SLIT3: variants seen among roughly 807,000 people sequenced by gnomAD.
SLIT3 encodes slit homolog 3 protein.
A neutral mutation model predicts 184.0 loss-of-function variants in SLIT3; 68 were observed. The observed-to-expected ratio is 0.37, with a 90% CI of 0.30 to 0.45. The LOEUF (loss-of-function observed/expected upper bound fraction) is 0.45. SLIT3 is among the 20% of genes least tolerant of loss of function. The pLI is 1.00. For synonymous variants in SLIT3, 831 were observed against 828.6 expected, an observed-to-expected ratio of 1.00 and a Z score of -0.05; for missense variants, 1,707 against 2,026.0, an observed-to-expected ratio of 0.84 and a Z score of 3.02.
At chr5:168,746,679 T>G (rs1581031988) in intron 20 of SLIT3, among the ~76,000 whole-genome samples, 2 of 63,406 alleles carry the variant, frequency 3.2e-5, no homozygotes, top group African/African-American at 1.1e-4. Flanking sequence ...GGTGGTATGG[T>G]GGTGTGTGGT....
chr5:168,802,333 G>A (rs1333521715), intron 9 of SLIT3, among the ~76,000 whole-genome samples: 1 of 152,194 alleles, frequency 6.6e-6, no homozygotes, highest in East Asian at 1.9e-4. Context: ...GTACATGGAA[G>A]AAGCAGGATC....
chr5:169,116,948 A>G (rs1760689676), intron 4 of SLIT3, among the ~76,000 whole-genome samples: 1 of 152,212 alleles, frequency 6.6e-6, no homozygotes, highest in East Asian at 1.9e-4. Context: ...TTTCAGATTT[A>G]CATAACCCTT....
intron 9 of SLIT3, among the ~76,000 whole-genome samples, chr5:168,798,220 CTTCTTTTTT>C (rs1756641145): frequency 8.9e-6 from 1 of 112,246 alleles, no homozygotes; most frequent in Non-Finnish European, 1.7e-5. Context: ...TCTTCTTCTT[CTTCTTTTTT>C]TTTTTTTTTT....
At chr5:168,981,045 T>A (rs567742346) in intron 4 of SLIT3, among the ~76,000 whole-genome samples, 10 of 152,326 alleles carry the variant, frequency 6.6e-5, no homozygotes, top group Admixed American at 5.2e-4. Context: ...TTTTGCTAAT[T>A]TATATTTTTC....
chr5:169,138,936 T>A (rs955082575), intron 4 of SLIT3, among the ~76,000 whole-genome samples: 3 of 152,260 alleles, frequency 2.0e-5, no homozygotes, highest in African/African-American at 7.2e-5. Flanking sequence ...TCATGACTGA[T>A]GGCAGTGGAC....
intron 4 of SLIT3, among the ~76,000 whole-genome samples, chr5:169,109,875 C>T (rs186312514): frequency 1.2e-4 from 19 of 152,292 alleles, no homozygotes; most frequent in Admixed American, 3.9e-4. Flanking sequence ...CTTCTCCTAC[C>T]TTTGTCACAT....
chr5:168,806,414 A>G (rs747817402), intron 9 of SLIT3, 32 bp downstream of exon 9: 1 of 1,613,400 alleles, frequency 6.2e-7, no homozygotes, highest in East Asian at 2.2e-5. Flanking sequence ...CTCCGGCGAC[A>G]GTTGTTGGGG....
chr5:168,699,239 G>A (rs1160312671), intron 27 of SLIT3, among the ~76,000 whole-genome samples: 8 of 152,244 alleles, frequency 5.3e-5, no homozygotes, highest in Non-Finnish European at 7.3e-5. Context: ...ACACGTGGGC[G>A]GGCGGGTTCC....
chr5:168,842,488 G>GTTTTTTTTTTTTTT (rs1294599549), intron 6 of SLIT3, among the ~76,000 whole-genome samples: 1 of 87,256 alleles, frequency 1.1e-5, no homozygotes, highest in African/African-American at 3.8e-5. Flanking sequence ...TTTTTTTTTT[G>GTTTTTTTTTTTTTT]TATCTGAGTA....
chr5:168,697,475 TGAATCTCGATCTTTCTTTGGCCTA>T (rs1029389148), intron 27 of SLIT3, among the ~76,000 whole-genome samples: 1 of 152,194 alleles, frequency 6.6e-6, no homozygotes. Context: ...AATGCTGCAA[TGAATCTCGATCTTTCTTTGGCCTA>T]ACCCGTTTGT....
At position 169,300,505 on chromosome 5, in the gene SLIT3, G is replaced by T; in HGVS notation, c.197+8C>A. 2.7e-6 allele frequency: 4 copies of T among 1,491,614 alleles called. No individual in the cohort carries two copies. The highest frequency in any genetic ancestry group is 1.3e-5 in the South Asian group (1 of 78,850). The allele number at this position is 1,491,614 out of a possible 1,614,324, so 92.4% of individuals were successfully genotyped here. A position where few individuals can be genotyped will look rare whatever the true frequency, so the allele number is the denominator to read the frequency against. On this transcript the variant is annotated splice_region_variant and intron_variant, in intron 1 of 35. Transcript: ENST00000519560. The surrounding 1 kb of genome is among the most constrained non-coding windows in gnomAD (Gnocchi z 4.1). ...GTGGCCCGCGTGGGGTGGGGCAGGG[G>T]TACTCACAGGCGCTCAGCGTTGCGG...
Position 168,672,721 on chromosome 5 carries a change from A to C in SLIT3, c.3841+456T>G, listed in dbSNP as rs1409915471. On this transcript the variant is annotated intron_variant, in intron 33 of 35. Transcript: ENST00000519560. ...ACTCCTGGGCTCAAGTGATCCTCCC[A>C]CCTCAGCCTCCCAAAGTGTTGGGAT... Among the ~76,000 whole-genome samples, 4 of 152,050 alleles carry C rather than the reference A, an allele frequency of 2.6e-5. No homozygotes were observed. In the East Asian group the frequency reaches 7.7e-4, roughly 29 times the overall value.
At chr5:168,672,554 C>T (rs1402091754) in intron 33 of SLIT3, among the ~76,000 whole-genome samples, 2 of 152,150 alleles carry the variant, frequency 1.3e-5, no homozygotes, top group Non-Finnish European at 2.9e-5. Flanking sequence ...TGGCTCACTG[C>T]AGCCCCAACC....
chr5:169,154,846 A>G (rs1762246291), intron 4 of SLIT3, among the ~76,000 whole-genome samples: 1 of 152,260 alleles, frequency 6.6e-6, no homozygotes, highest in Non-Finnish European at 1.5e-5. Context: ...AAAGAAAATA[A>G]GCATGATCAG....
intron 4 of SLIT3, among the ~76,000 whole-genome samples, chr5:169,183,911 GTT>G (rs946346106): frequency 6.6e-6 from 1 of 152,080 alleles, no homozygotes; most frequent in African/African-American, 2.4e-5. Flanking sequence ...TCACAGCTTG[GTT>G]TTCTTTCCTT....
At chr5:169,038,125 G>C (rs1007605301) in intron 4 of SLIT3, 3 of 152,164 alleles carry the variant, frequency 2.0e-5, no homozygotes, top group Non-Finnish European at 1.5e-5. Context: ...ACATGGACTA[G>C]GATGCCTTAG....
At chr5:169,221,681 C>T (rs1345647270) in intron 3 of SLIT3, among the ~76,000 whole-genome samples, 2 of 152,162 alleles carry the variant, frequency 1.3e-5, no homozygotes, top group Admixed American at 6.6e-5. Context: ...AGACATCCTT[C>T]GCCCTCCGTT....
intron 1 of SLIT3, among the ~76,000 whole-genome samples, chr5:169,276,032 C>T (rs571198190): frequency 1.6e-4 from 24 of 152,028 alleles, no homozygotes; most frequent in East Asian, 1.9e-4. Flanking sequence ...TAGGATGGGT[C>T]GGGGGAGTGA....
chr5:168,976,912 C>T (rs147533215), intron 4 of SLIT3, among the ~76,000 whole-genome samples: 1 of 152,306 alleles, frequency 6.6e-6, no homozygotes, highest in African/African-American at 2.4e-5. Context: ...TCCCTTCTCA[C>T]ATTTCCCATA....
Sources: gnomAD v4.1 joint callset for allele counts (sites outside exome capture counted in the v4.1 genomes callset) on GRCh38, gnomAD v4.1.1 for gene constraint, Gnocchi (gnomAD v3.1) non-coding constraint, MANE v1.5 for transcripts, NCBI Gene and HGNC (gene_info 2026-07-23, HGNC 2026-07-21) for gene names.